Variants in GALNTL6 observed in about 807,000 individuals in gnomAD.
GALNTL6 encodes the protein polypeptide N-acetylgalactosaminyltransferase like 6, also known as polypeptide N-acetylgalactosaminyltransferase-like 6.
Under a neutral mutation model 73.7 loss-of-function variants are expected in GALNTL6, and 46 were observed. That is an observed-to-expected ratio of 0.62 (90% confidence interval 0.49 to 0.80). The LOEUF is 0.80. GALNTL6 is among the 30% of genes least tolerant of loss of function. The pLI, the probability that GALNTL6 is intolerant of heterozygous loss-of-function variation, is 0.00. For missense variants in GALNTL6, 604 were observed against 755.0 expected (o/e 0.80, Z 2.34); for synonymous variants, 259 against 263.7 (o/e 0.98, Z 0.17).
chr4:172,627,903 T>C (rs755769283), intron 5 of GALNTL6, among the ~76,000 whole-genome samples: 5 of 151,262 alleles, frequency 3.3e-5, no homozygotes, highest in Admixed American at 6.6e-5. Context: ...TCTTTGTTAA[T>C]CTAGCTAGCA....
intron 5 of GALNTL6, among the ~76,000 whole-genome samples, chr4:172,518,698 A>C (rs185946081): frequency 1.3e-5 from 2 of 152,130 alleles, no homozygotes; most frequent in East Asian, 3.9e-4. Context: ...CAAATTACCT[A>C]AACAACTTTT....
intron 2 of GALNTL6, among the ~76,000 whole-genome samples, chr4:172,158,772 G>A (rs973019907): frequency 6.6e-6 from 1 of 152,208 alleles, no homozygotes; most frequent in African/African-American, 2.4e-5. Flanking sequence ...TATTTTATGA[G>A]CAATTTTTTT....
At chr4:172,048,735 A>G (rs1742286657) in intron 2 of GALNTL6, among the ~76,000 whole-genome samples, 1 of 151,800 alleles carries the variant, frequency 6.6e-6, no homozygotes, top group African/African-American at 2.4e-5. Flanking sequence ...TTCATTTTTT[A>G]TTTTATTTTA....
intron 5 of GALNTL6, among the ~76,000 whole-genome samples, chr4:172,644,857 T>C (rs955279601): frequency 6.6e-6 from 1 of 151,920 alleles, no homozygotes. Context: ...TGTATGAGAG[T>C]TCCAGTCTCT....
At chr4:172,772,038 T>C (rs1397981953) in intron 5 of GALNTL6, among the ~76,000 whole-genome samples, 3 of 151,878 alleles carry the variant, frequency 2.0e-5, no homozygotes, top group Non-Finnish European at 4.4e-5. Flanking sequence ...TGGCGAAAGG[T>C]GAAAGGCACG....
chr4:172,440,985 T>C (rs1298516205), intron 5 of GALNTL6, among the ~76,000 whole-genome samples: 1 of 152,148 alleles, frequency 6.6e-6, no homozygotes, highest in Non-Finnish European at 1.5e-5. Flanking sequence ...TGTTGAGTCA[T>C]ATTTAGAAAT....
At chr4:172,500,893 T>C (rs1007805218) in intron 5 of GALNTL6, among the ~76,000 whole-genome samples, 1 of 152,194 alleles carries the variant, frequency 6.6e-6, no homozygotes, top group South Asian at 2.1e-4. Flanking sequence ...TTAATTATAG[T>C]GTTAACATGG....
At chr4:172,065,394 G>T (rs1731327951) in intron 2 of GALNTL6, among the ~76,000 whole-genome samples, 1 of 152,038 alleles carries the variant, frequency 6.6e-6, no homozygotes, top group South Asian at 2.1e-4. Flanking sequence ...TTCCTAACAG[G>T]CCACAGGCTG....
chr4:172,132,220 A>G (rs757527620), intron 2 of GALNTL6, among the ~76,000 whole-genome samples: 3 of 152,102 alleles, frequency 2.0e-5, no homozygotes, highest in East Asian at 3.8e-4. Flanking sequence ...CAGTCTGTGC[A>G]GTGCCAAATG....
At chr4:172,584,133 C>CA (rs61238256) in intron 5 of GALNTL6, among the ~76,000 whole-genome samples, 1,570 of 140,132 alleles carry the variant, frequency 0.011, 10 homozygotes, top group Middle Eastern at 0.034. Flanking sequence ...TAAGTAATTG[C>CA]AAAAAAAAAA....
At chr4:171,995,819 G>T (rs769687195) in intron 2 of GALNTL6, among the ~76,000 whole-genome samples, 1 of 152,042 alleles carries the variant, frequency 6.6e-6, no homozygotes, top group Non-Finnish European at 1.5e-5. Flanking sequence ...TATGTTGGTA[G>T]TAGGATAACA....
At chr4:172,453,512 A>G (rs1332740739) in intron 5 of GALNTL6, among the ~76,000 whole-genome samples, 1 of 152,216 alleles carries the variant, frequency 6.6e-6, no homozygotes, top group Non-Finnish European at 1.5e-5. Flanking sequence ...TAAATGACAC[A>G]TCTGCAGTTG....
At chr4:172,634,647 G>A (rs1465050113) in intron 5 of GALNTL6, among the ~76,000 whole-genome samples, 1 of 152,076 alleles carries the variant, frequency 6.6e-6, no homozygotes, top group Non-Finnish European at 1.5e-5. Flanking sequence ...CATTATTATA[G>A]CAGTACCTAA....
At chr4:171,867,458 C>T (rs1237001290) in intron 2 of GALNTL6, among the ~76,000 whole-genome samples, 1 of 152,156 alleles carries the variant, frequency 6.6e-6, no homozygotes, top group Non-Finnish European at 1.5e-5. Flanking sequence ...GTCTTTGCTC[C>T]TTCACTTCCA....
chr4:172,729,971 G>A (rs1266268366), intron 5 of GALNTL6, among the ~76,000 whole-genome samples: 1 of 151,942 alleles, frequency 6.6e-6, no homozygotes, highest in Non-Finnish European at 1.5e-5. Flanking sequence ...TGGTTCCTAA[G>A]CATTTTATAT....
intron 2 of GALNTL6, among the ~76,000 whole-genome samples, chr4:172,207,024 A>C (rs1009946481): frequency 6.6e-6 from 1 of 150,710 alleles, no homozygotes; most frequent in Admixed American, 6.6e-5. Flanking sequence ...TCACCATGTT[A>C]GCCAGGATGA....
intron 2 of GALNTL6, among the ~76,000 whole-genome samples, chr4:171,914,693 G>A (rs1457351659): frequency 6.6e-6 from 1 of 150,754 alleles, no homozygotes; most frequent in Admixed American, 6.6e-5. Context: ...TGGGATTACA[G>A]GCATAAGCCA....
At chr4:171,920,973 T>C (rs1218465434) in intron 2 of GALNTL6, among the ~76,000 whole-genome samples, 1 of 152,150 alleles carries the variant, frequency 6.6e-6, no homozygotes, top group Non-Finnish European at 1.5e-5. Context: ...ATCTATCTCA[T>C]ACAATAATTT....
intron 5 of GALNTL6, among the ~76,000 whole-genome samples, chr4:172,577,009 T>C (rs1316130125): frequency 6.6e-6 from 1 of 152,132 alleles, no homozygotes; most frequent in African/African-American, 2.4e-5. Flanking sequence ...GAGTTCATCC[T>C]GCCAAACGGT....
Sources: gnomAD v4.1 joint callset for allele counts (sites outside exome capture counted in the v4.1 genomes callset) on GRCh38, gnomAD v4.1.1 for gene constraint, MANE v1.5 for transcripts, NCBI Gene and HGNC (gene_info 2026-07-23, HGNC 2026-07-21) for gene names.